CHD1L: variants seen among roughly 807,000 people sequenced by gnomAD.
CHD1L encodes chromodomain helicase DNA binding protein 1 like, also known as ATP-dependent chromatin remodeler CHD1L.
A neutral mutation model predicts 115.9 loss-of-function variants in CHD1L; 118 were observed. The observed-to-expected ratio is 1.02, with a 90% confidence interval of 0.88 to 1.19. The LOEUF (loss-of-function observed/expected upper bound fraction) is 1.19, where lower values mean the gene tolerates loss of function less well. Among genes scored for constraint, CHD1L ranks in the 50% most tolerant of loss-of-function variants. CHD1L has a pLI of 0.00. For missense variants in CHD1L, 1,179 were observed against 1,065.3 expected (o/e 1.11, Z -1.49); for synonymous variants, 411 against 387.1 (o/e 1.06, Z -0.72).
In CHD1L at chr1:147,275,362, G is replaced by A; in HGVS notation, c.1279G>A (p.Gly427Ser). Residue 427 changes from glycine (G) to serine (S), a missense_variant, in exon 13 of 23, where the codon GGC becomes AGC. Transcript: ENST00000369258. ...TTTTGCATTGTTTTCAGGTGGAGTT[G>A]GCATGAACTTAACAGCAGCAGATAC... ...FLLSTRAGGV[G>S]MNLTAADTVI... 1 of 1,612,960 alleles carries A rather than the reference G, an allele frequency of 6.2e-7. No homozygotes were observed. Among genetic ancestry groups the A allele is most frequent in the Non-Finnish European group, 8.5e-7 (1 of 1,178,980 alleles).
rs781953217 is a variant in CHD1L at position 147,286,441 on chromosome 1, G to C, written c.2162G>C (p.Ser721Thr). Reference sequence around the variant, plus strand: ...GATGCTACTTCCCTCAAGTACGTTAGTGGTGATGTCACCCACCCTCAGGCT... The same window carrying C: ...GATGCTACTTCCCTCAAGTACGTTACTGGTGATGTCACCCACCCTCAGGCT... ...DPDATSLKYV[S>T]GDVTHPQAGA... Residue 721 changes from serine to threonine, a missense_variant, in exon 18 of 23, where the codon AGT (serine) becomes ACT (threonine). By Grantham distance (58) the Ser-to-Thr change is moderately conservative (BLOSUM62 1). Transcript: ENST00000369258. The C allele has an allele frequency of 6.2e-7, 1 of 1,614,132 alleles. No homozygotes were observed. The highest frequency in any genetic ancestry group is 1.1e-5 in the South Asian group (1 of 91,090).
At chr1:147,285,949 T>C (rs1682945208) in intron 17 of CHD1L, among the ~76,000 whole-genome samples, 1 of 152,116 alleles carries the variant, frequency 6.6e-6, no homozygotes, top group South Asian at 2.1e-4. Flanking sequence ...CTTTCTGCCT[T>C]GACCTCCAAA....
chr1:147,218,876 C>A, the CHD1L span, among the ~76,000 whole-genome samples: 1 of 152,176 alleles, frequency 6.6e-6, no homozygotes, highest in Admixed American at 6.5e-5. Context: ...TTCAACAAGA[C>A]TTTTCTAATT....
chr1:147,295,556 T>C lies in CHD1L; in HGVS notation c.*47T>C, dbSNP rs1203559754. On this transcript the variant is annotated 3_prime_UTR_variant, in exon 23 of 23. Transcript: ENST00000369258. ...CTGTCTTTAGCAACCAGCTAATATT[T>C]ACCCAGAGGTACTGCAATAGAGTAT... 1.5e-6 allele frequency: 2 copies of C among 1,307,160 alleles called. No homozygotes were observed. Among genetic ancestry groups the C allele is most frequent in the Admixed American group, 3.6e-5 (2 of 56,116 alleles). The allele number at this position is 1,307,160 out of a possible 1,614,324, so 81.0% of individuals were successfully genotyped here.
chr1:147,273,138 G>A (rs1372477641), intron 12 of CHD1L, among the ~76,000 whole-genome samples: 2 of 152,172 alleles, frequency 1.3e-5, no homozygotes, highest in Admixed American at 6.5e-5. Flanking sequence ...AGGAGGCGGA[G>A]GTTGCAGTGA....
At chr1:147,224,312 GA>G in the CHD1L span, 1 of 176,948 alleles carries the variant, frequency 5.7e-6, no homozygotes, top group Non-Finnish European at 1.2e-5. Context: ...CACCAAAGTG[GA>G]AAAGGGAAAG....
chr1:147,212,422 C>T, the CHD1L span: 1 of 1,614,074 alleles, frequency 6.2e-7, no homozygotes, highest in South Asian at 1.1e-5. Context: ...ATCTCTACAG[C>T]CAGATCCCCT....
At chr1:147,232,916 G>A in the CHD1L span, among the ~76,000 whole-genome samples, 7 of 152,122 alleles carry the variant, frequency 4.6e-5, no homozygotes, top group Admixed American at 2.6e-4. Flanking sequence ...CTGCCTGGCC[G>A]CCACCCCATC....
the CHD1L span, among the ~76,000 whole-genome samples, chr1:147,213,013 T>C: frequency 1.3e-5 from 2 of 152,124 alleles, no homozygotes; most frequent in Non-Finnish European, 2.9e-5. Flanking sequence ...AAATTCCTTA[T>C]TCTACCTAAT....
At position 147,293,618 on chromosome 1, in the gene CHD1L, T is replaced by C. The variant is rs1553972931; in HGVS notation, c.2402T>C (p.Ile801Thr). The C allele has an allele frequency of 1.2e-6, 2 of 1,613,900 alleles. No individual in the cohort carries two copies. The highest frequency in any genetic ancestry group is 1.7e-6 in the Non-Finnish European group (2 of 1,179,974). Reference protein sequence around the residue: ...RNKGQDLLALIVAQHRDRSNV... With the variant: ...RNKGQDLLALTVAQHRDRSNV... ...GGTGGTTCTTTCCAGTTGGCCTTGATTGTGGCTCAGCATCGTGATCGTTCC... is the reference window on the plus strand; with the variant it reads ...GGTGGTTCTTTCCAGTTGGCCTTGACTGTGGCTCAGCATCGTGATCGTTCC... The change falls in exon 21 of 23, where the codon ATT becomes ACT. Residue 801 changes from isoleucine to threonine, a missense_variant. Ile to Thr is a moderately conservative substitution (Grantham distance 89). Transcript: ENST00000369258.
chr1:147,272,753 T>A (rs1676724028), intron 12 of CHD1L, among the ~76,000 whole-genome samples: 1 of 152,202 alleles, frequency 6.6e-6, no homozygotes, highest in Non-Finnish European at 1.5e-5. Flanking sequence ...TTTTTAGAAT[T>A]ATTTATGACA....
chr1:147,264,510 C>CTGA lies in CHD1L; in HGVS notation c.667_669dup (p.Asp223dup). 6.2e-7 allele frequency: 1 copy of CTGA among 1,614,088 alleles called. No individual in the cohort carries two copies. The highest frequency in any genetic ancestry group is 8.5e-7 in the Non-Finnish European group (1 of 1,179,974). On this transcript the variant is annotated inframe_insertion, in exon 7 of 23. Coordinates refer to ENST00000369258, the MANE Select transcript of CHD1L (RefSeq NM_004284.6). ...TACTCCCTCCTCAGTTTTGTGGAGC[C>CTGA]TGATCTCTTTTCCAAGGAAGAGGTG...
At chr1:147,288,322 C>CATGA (rs1452486110) in intron 19 of CHD1L, among the ~76,000 whole-genome samples, 1 of 87,894 alleles carries the variant, frequency 1.1e-5, no homozygotes, top group African/African-American at 4.8e-5. Flanking sequence ...GACCCTGTTT[C>CATGA]AATAAAAAAA....
chr1:147,271,951 T>C (rs1163577446), intron 11 of CHD1L, among the ~76,000 whole-genome samples: 1 of 152,230 alleles, frequency 6.6e-6, no homozygotes, highest in Non-Finnish European at 1.5e-5. Context: ...CAACTGCATG[T>C]ATTTAAAAAA....
chr1:147,197,563 G>A, the CHD1L span, among the ~76,000 whole-genome samples: 1 of 152,030 alleles, frequency 6.6e-6, no homozygotes, highest in Non-Finnish European at 1.5e-5. Context: ...ATGATACTGA[G>A]TGAGTTCTCA....
intron 1 of CHD1L, among the ~76,000 whole-genome samples, chr1:147,246,258 C>T (rs782049106): frequency 1.8e-4 from 28 of 152,112 alleles, no homozygotes; most frequent in Non-Finnish European, 3.7e-4. Flanking sequence ...AGTAGTACTC[C>T]ACAGCACAGT....
the CHD1L span, chr1:147,187,009 G>A: frequency 1.2e-6 from 2 of 1,614,094 alleles, no homozygotes; most frequent in Non-Finnish European, 1.7e-6. Flanking sequence ...TGTCATCAGA[G>A]GCTTCCTGAT....
At chr1:147,180,587 G>A in the CHD1L span, among the ~76,000 whole-genome samples, 4 of 152,118 alleles carry the variant, frequency 2.6e-5, no homozygotes, top group South Asian at 2.1e-4. Flanking sequence ...CACTGCGTCC[G>A]GCCTGAAAAG....
At position 147,293,615 on chromosome 1, in the gene CHD1L, T is replaced by C. The variant is rs781804099; in HGVS notation, c.2399T>C (p.Leu800Ser). Reference protein sequence around the residue: ...SRNKGQDLLALIVAQHRDRSN... With the variant: ...SRNKGQDLLASIVAQHRDRSN... Reference sequence around the variant, plus strand: ...AATGGTGGTTCTTTCCAGTTGGCCTTGATTGTGGCTCAGCATCGTGATCGT... The same window carrying C: ...AATGGTGGTTCTTTCCAGTTGGCCTCGATTGTGGCTCAGCATCGTGATCGT... Residue 800 changes from leucine (L) to serine (S), a missense_variant, in exon 21 of 23, where the codon TTG becomes TCG. Transcript: ENST00000369258. 1 of 1,613,980 alleles carries C rather than the reference T, an allele frequency of 6.2e-7. No individual in the cohort carries two copies. Among genetic ancestry groups the C allele is most frequent in the Non-Finnish European group, 8.5e-7 (1 of 1,179,956 alleles).
Sources: allele counts gnomAD v4.1 joint callset (sites outside exome capture counted in the v4.1 genomes callset), GRCh38; gene constraint gnomAD v4.1.1; transcripts MANE v1.5; gene names NCBI Gene and HGNC (gene_info 2026-07-23, HGNC 2026-07-21).